Variants in ARSB observed in about 807,000 individuals in gnomAD.
ARSB encodes N-acetylgalactosamine-4-sulfatase.
In ARSB, 41 loss-of-function variants were observed where a neutral mutation model predicts 50.9. The observed-to-expected ratio is 0.81, with a 90% confidence interval of 0.63 to 1.04. The LOEUF (loss-of-function observed/expected upper bound fraction) is 1.04. Ranked by LOEUF, ARSB falls within the 50% of genes least tolerant of loss-of-function variation. ARSB has a pLI of 0.00. For missense variants in ARSB, 672 were observed against 693.3 expected, an observed-to-expected ratio of 0.97 and a Z score of 0.35; for synonymous variants, 269 against 284.8, an observed-to-expected ratio of 0.94 and a Z score of 0.56.
chr5:78,975,969 G>C (rs1752643216), intron 1 of ARSB, among the ~76,000 whole-genome samples: 1 of 152,180 alleles, frequency 6.6e-6, no homozygotes, highest in Non-Finnish European at 1.5e-5. Context: ...TGGAAAATTA[G>C]TAATATTAAG....
chr5:78,792,411 C>A (rs535374751), intron 6 of ARSB, among the ~76,000 whole-genome samples: 1 of 151,874 alleles, frequency 6.6e-6, no homozygotes, highest in Admixed American at 6.6e-5. Flanking sequence ...GCATTCAAGG[C>A]CATCCTGGGC....
At chr5:78,825,284 C>T (rs190284591) in intron 6 of ARSB, among the ~76,000 whole-genome samples, 208 of 152,258 alleles carry the variant, frequency 1.4e-3, no homozygotes, top group Middle Eastern at 3.4e-3. Flanking sequence ...CATGCTCTTC[C>T]AAGTGTCTGT....
intron 5 of ARSB, among the ~76,000 whole-genome samples, chr5:78,854,163 G>C (rs1746021579): frequency 6.6e-6 from 1 of 152,250 alleles, no homozygotes; most frequent in African/African-American, 2.4e-5. Flanking sequence ...GCTCACGCTG[G>C]GAGCTGTAGA....
intron 5 of ARSB, among the ~76,000 whole-genome samples, chr5:78,875,826 C>T (rs995668847): frequency 4.6e-5 from 7 of 152,006 alleles, no homozygotes; most frequent in African/African-American, 1.7e-4. Context: ...TGCCACCACA[C>T]CCAGTCAACT....
chr5:78,985,565 A>C, upstream of ARSB: 1 of 204,528 alleles, frequency 4.9e-6, no homozygotes, highest in Non-Finnish European at 9.7e-6. Context: ...TTTCCTAAAA[A>C]AAAAAGATGT....
intron 4 of ARSB, among the ~76,000 whole-genome samples, chr5:78,946,431 A>G (rs1441420603): frequency 6.6e-6 from 1 of 152,232 alleles, no homozygotes; most frequent in East Asian, 1.9e-4. Context: ...AAAAATCAGT[A>G]ACATATAAAA....
chr5:78,884,709 CTAATA>C (rs1278671663), intron 5 of ARSB: 6 of 152,060 alleles, frequency 3.9e-5, no homozygotes, highest in African/African-American at 1.2e-4. Context: ...TACAAGTCTA[CTAATA>C]TATTATGTGT....
chr5:78,941,908 G>A (rs1750950938), intron 4 of ARSB, among the ~76,000 whole-genome samples: 1 of 152,068 alleles, frequency 6.6e-6, no homozygotes, highest in Non-Finnish European at 1.5e-5. Context: ...AATCCATCTG[G>A]TCCTGGACTC....
intron 5 of ARSB, among the ~76,000 whole-genome samples, chr5:78,857,831 C>T (rs947658062): frequency 5.9e-5 from 9 of 152,212 alleles, no homozygotes; most frequent in African/African-American, 1.9e-4. Context: ...AAGTTTTACC[C>T]ATGCCTATAA....
At chr5:78,848,852 GC>G (rs1168086809) in intron 5 of ARSB, among the ~76,000 whole-genome samples, 1 of 152,120 alleles carries the variant, frequency 6.6e-6, no homozygotes, top group Non-Finnish European at 1.5e-5. Context: ...GTGTCTTTTG[GC>G]TGCATAAATG....
chr5:78,824,836 T>C (rs1744369278), intron 6 of ARSB, among the ~76,000 whole-genome samples: 1 of 152,200 alleles, frequency 6.6e-6, no homozygotes, highest in African/African-American at 2.4e-5. Context: ...TGGTTTTCAG[T>C]CAGGTTAAGA....
chr5:78,859,991 T>C (rs1746348899), intron 5 of ARSB, among the ~76,000 whole-genome samples: 1 of 152,182 alleles, frequency 6.6e-6, no homozygotes, highest in Non-Finnish European at 1.5e-5. Flanking sequence ...AATCAAATAA[T>C]ATAGCATTCC....
At chr5:78,877,290 G>A (rs1484705530) in intron 5 of ARSB, among the ~76,000 whole-genome samples, 5 of 152,328 alleles carry the variant, frequency 3.3e-5, no homozygotes, top group Non-Finnish European at 7.3e-5. Context: ...CTGCTCTGCA[G>A]TTGCCTAATA....
At chr5:78,816,937 C>A (rs145502678) in intron 6 of ARSB, 40 of 277,138 alleles carry the variant, frequency 1.4e-4, no homozygotes, top group African/African-American at 8.0e-4. Flanking sequence ...CCTCTGAGAC[C>A]CTAAGCAGAG....
intron 5 of ARSB, among the ~76,000 whole-genome samples, chr5:78,859,624 A>G (rs543821753): frequency 2.6e-5 from 4 of 152,298 alleles, no homozygotes; most frequent in Admixed American, 1.3e-4. Context: ...GGATTCTGCC[A>G]TAAGAATCAA....
chr5:78,876,269 T>C (rs1282510006), intron 5 of ARSB, among the ~76,000 whole-genome samples: 1 of 152,220 alleles, frequency 6.6e-6, no homozygotes, highest in East Asian at 1.9e-4. Context: ...AAAAGCTGGG[T>C]CTGTACTGAT....
chr5:78,950,624 TAG>T (rs1751455922), intron 4 of ARSB, among the ~76,000 whole-genome samples: 1 of 152,052 alleles, frequency 6.6e-6, no homozygotes, highest in South Asian at 2.1e-4. Flanking sequence ...GTCAAAGAAT[TAG>T]AGTGCCAAAA....
chr5:78,964,363 A>G, intron 3 of ARSB, 53 bp downstream of exon 3: 2 of 1,547,342 alleles, frequency 1.3e-6, no homozygotes, highest in Non-Finnish European at 1.8e-6. Flanking sequence ...ATTTGTCTGA[A>G]AAGACATTAG....
chr5:78,949,868 C>T (rs1751422738), intron 4 of ARSB, among the ~76,000 whole-genome samples: 1 of 152,168 alleles, frequency 6.6e-6, no homozygotes, highest in Admixed American at 6.5e-5. Context: ...CAAGATCATG[C>T]TACTGTACTC....
Sources: gnomAD v4.1 joint callset for allele counts (sites outside exome capture counted in the v4.1 genomes callset) on GRCh38, gnomAD v4.1.1 for gene constraint, MANE v1.5 for transcripts, NCBI Gene and HGNC (gene_info 2026-07-23, HGNC 2026-07-21) for gene names.